Variants in RELN observed in about 807,000 individuals in gnomAD.
The protein encoded by RELN is reelin.
In RELN, 108 loss-of-function variants were observed where a neutral mutation model predicts 427.6. The observed-to-expected ratio is 0.25, with a 90% CI of 0.22 to 0.30. RELN has a LOEUF of 0.30. Ranked by LOEUF, RELN falls within the 10% of genes least tolerant of loss-of-function variation. The pLI, the probability that RELN is intolerant of heterozygous loss-of-function variation, is 1.00. For synonymous variants in RELN, 1,524 were observed against 1,513.4 expected (o/e 1.01, Z -0.16); for missense variants, 3,715 against 4,302.8 (o/e 0.86, Z 3.82).
At chr7:103,572,900 AGGT>A (rs1830915995) in intron 30 of RELN, among the ~76,000 whole-genome samples, 1 of 152,110 alleles carries the variant, frequency 6.6e-6, no homozygotes, top group Non-Finnish European at 1.5e-5. Flanking sequence ...CAGAACGTGC[AGGT>A]TTGTTACATA....
intron 1 of RELN, among the ~76,000 whole-genome samples, chr7:103,925,322 C>T (rs1423679403): frequency 1.3e-5 from 2 of 152,142 alleles, no homozygotes. Context: ...TTATCATCCA[C>T]TTTTGGCCTT....
chr7:103,689,065 T>C (rs1833819186), intron 10 of RELN, among the ~76,000 whole-genome samples: 1 of 152,120 alleles, frequency 6.6e-6, no homozygotes, highest in South Asian at 2.1e-4. Flanking sequence ...GTTTGCAAAA[T>C]TTAACAAATT....
At chr7:103,848,075 C>A (rs1793724608) in intron 2 of RELN, among the ~76,000 whole-genome samples, 1 of 152,138 alleles carries the variant, frequency 6.6e-6, no homozygotes, top group South Asian at 2.1e-4. Flanking sequence ...TTAGGTCAGC[C>A]AATCTGGAGG....
intron 2 of RELN, among the ~76,000 whole-genome samples, chr7:103,881,468 C>G (rs1235415602): frequency 6.7e-6 from 1 of 149,226 alleles, no homozygotes; most frequent in East Asian, 1.9e-4. Flanking sequence ...TTCAACAAAC[C>G]TAAAGCTCTT....
Position 103,657,228 on chromosome 7 carries a change from A to G in RELN, c.1442-3023T>C, listed in dbSNP as rs956078219. 1.8e-4 allele frequency among the ~76,000 whole-genome samples: 28 copies of G among 152,080 alleles called. 1 individual carries two copies. The highest frequency in any genetic ancestry group is 1.8e-3 in the Admixed American group (28 of 15,226). On this transcript the variant is annotated intron_variant, in intron 12 of 64. Transcript: ENST00000428762. ...AAAATCTTATGATTTTGACATTTAT[A>G]TCATATATTCAAGCATTTCCTTACA...
intron 20 of RELN, among the ~76,000 whole-genome samples, chr7:103,619,450 T>C (rs1050310263): frequency 2.6e-5 from 4 of 152,196 alleles, no homozygotes; most frequent in Non-Finnish European, 5.9e-5. Context: ...CTGTGTCTCC[T>C]GTGGAACTAG....
At chr7:103,778,009 C>T (rs1004121474) in intron 3 of RELN, among the ~76,000 whole-genome samples, 6 of 152,100 alleles carry the variant, frequency 3.9e-5, no homozygotes, top group African/African-American at 1.4e-4. Context: ...ATATGTGAAG[C>T]TTATAAGGGG....
intron 8 of RELN, among the ~76,000 whole-genome samples, chr7:103,713,660 CTTTT>C (rs60124892): frequency 1.4e-5 from 2 of 143,632 alleles, no homozygotes; most frequent in Non-Finnish European, 3.1e-5. Context: ...GGCATTTATC[CTTTT>C]TTTTTTTTTT....
intron 46 of RELN, among the ~76,000 whole-genome samples, chr7:103,526,043 G>A (rs1829815823): frequency 6.6e-6 from 1 of 152,178 alleles, no homozygotes; most frequent in South Asian, 2.1e-4. Context: ...GGGTAGATGG[G>A]CAGGGCCTGG....
chr7:103,852,423 A>G (rs1330448677), intron 2 of RELN, among the ~76,000 whole-genome samples: 1 of 152,172 alleles, frequency 6.6e-6, no homozygotes, highest in Non-Finnish European at 1.5e-5. Flanking sequence ...CCTTTGGTAA[A>G]TTATATGTAA....
intron 31 of RELN, among the ~76,000 whole-genome samples, chr7:103,567,213 G>A (rs1009227922): frequency 9.2e-5 from 14 of 152,344 alleles, no homozygotes; most frequent in African/African-American, 3.4e-4. Context: ...CTATTAAGCA[G>A]AAAGATCCTT....
intron 2 of RELN, among the ~76,000 whole-genome samples, chr7:103,895,218 G>A (rs1794933061): frequency 6.6e-6 from 1 of 152,020 alleles, no homozygotes; most frequent in Non-Finnish European, 1.5e-5. Flanking sequence ...ATTAGCATTA[G>A]AGGGCTGTAC....
chr7:103,889,022 C>A (rs1794786224), intron 2 of RELN, among the ~76,000 whole-genome samples: 1 of 152,216 alleles, frequency 6.6e-6, no homozygotes, highest in African/African-American at 2.4e-5. Context: ...TCATGCACTG[C>A]AGCTCCTTGT....
chr7:103,780,390 T>TA (rs1373345947), intron 3 of RELN, among the ~76,000 whole-genome samples: 1 of 152,230 alleles, frequency 6.6e-6, no homozygotes, highest in African/African-American at 2.4e-5. Flanking sequence ...TAATCTTTTT[T>TA]AAAAAAATGT....
intron 26 of RELN, 98 bp downstream of exon 26, chr7:103,594,223 A>T (rs983440343): frequency 8.4e-7 from 1 of 1,191,060 alleles, no homozygotes; most frequent in African/African-American, 1.5e-5. Context: ...TATATTATAC[A>T]TTCAGTGTCA....
intron 2 of RELN, among the ~76,000 whole-genome samples, chr7:103,901,113 T>C (rs1485733328): frequency 6.6e-6 from 1 of 151,960 alleles, no homozygotes; most frequent in Non-Finnish European, 1.5e-5. Context: ...TGGACATCTC[T>C]CCAAAGAAGA....
intron 4 of RELN, among the ~76,000 whole-genome samples, chr7:103,771,718 C>G (rs188367419): frequency 5.3e-5 from 8 of 152,250 alleles, no homozygotes; most frequent in Admixed American, 3.3e-4. Context: ...CACCTGCACC[C>G]CCATACCTTC....
At chr7:103,668,578 T>C (rs1002954292) in intron 11 of RELN, among the ~76,000 whole-genome samples, 1 of 152,212 alleles carries the variant, frequency 6.6e-6, no homozygotes, top group African/African-American at 2.4e-5. Flanking sequence ...ATGATTAGGT[T>C]GAACCATCCC....
intron 4 of RELN, among the ~76,000 whole-genome samples, chr7:103,754,760 A>T (rs892197759): frequency 6.6e-6 from 1 of 152,140 alleles, no homozygotes; most frequent in African/African-American, 2.4e-5. Flanking sequence ...TGAGCAAGAG[A>T]GTCAGACCCT....
Sources: gnomAD v4.1 joint callset for allele counts (sites outside exome capture counted in the v4.1 genomes callset) on GRCh38, gnomAD v4.1.1 for gene constraint, MANE v1.5 for transcripts, NCBI Gene and HGNC (gene_info 2026-07-23, HGNC 2026-07-21) for gene names.